Variants in PCDH11X observed in about 807,000 individuals in gnomAD.
The protein encoded by PCDH11X is protocadherin-11 X-linked.
Under a neutral mutation model 53.3 loss-of-function variants are expected in PCDH11X, and 18 were observed. The observed-to-expected ratio is 0.34, with a 90% CI of 0.23 to 0.50. The LOEUF is 0.50. Among genes scored for constraint, PCDH11X ranks in the 20% least tolerant of loss-of-function variants. The pLI is 0.98. For synonymous variants in PCDH11X, 279 were observed against 393.3 expected, an observed-to-expected ratio of 0.71 and a Z score of 3.44; for missense variants, 570 against 1,032.4, an observed-to-expected ratio of 0.55 and a Z score of 6.14.
chrX:92,428,842 G>A (rs922818726), intron 9 of PCDH11X, among the ~76,000 whole-genome samples: 36 of 110,670 alleles, frequency 3.3e-4, no homozygotes. Context: ...GACAAATATG[G>A]TAGGGTGAAT....
chrX:92,170,771 TTTC>T (rs1301804106), intron 6 of PCDH11X, among the ~76,000 whole-genome samples: 9 of 104,305 alleles, frequency 8.6e-5, no homozygotes, highest in African/African-American at 3.1e-4. Context: ...CTAATTTGCT[TTTC>T]TTGTTTTGTT....
At chrX:92,221,278 A>AAC (rs58264678) in intron 7 of PCDH11X, among the ~76,000 whole-genome samples, 1,123 of 87,937 alleles carry the variant, frequency 0.013, 30 homozygotes, top group African/African-American at 0.044. Context: ...CATTGTATAC[A>AAC]ACACACACAC....
At position 92,619,220 on chromosome X, in the gene PCDH11X, G is replaced by A. The variant is rs1402832454; in HGVS notation, c.*280G>A. 2.7e-6 allele frequency: 1 copy of A among 372,404 alleles called. No individual in the cohort carries two copies. The highest frequency in any genetic ancestry group is 4.7e-6 in the Non-Finnish European group (1 of 214,865). The allele number at this position is 372,404 out of a possible 1,213,427, so 30.7% of individuals were successfully genotyped here. ...CAGAGCGCACTATTTCTGATGTACA[G>A]TATTTTTTGTTGTTTTTATCATCAT... On this transcript the variant is annotated 3_prime_UTR_variant, in exon 11 of 11. Transcript: ENST00000682573.
intron 7 of PCDH11X, among the ~76,000 whole-genome samples, chrX:92,221,245 C>CT (rs2066867733): frequency 5.5e-5 from 2 of 36,472 alleles, no homozygotes; most frequent in African/African-American, 1.8e-4. Flanking sequence ...AAAAATTGCT[C>CT]ATTTTTTTTT....
intron 10 of PCDH11X, among the ~76,000 whole-genome samples, chrX:92,473,362 A>T (rs1227446995): frequency 9.0e-6 from 1 of 111,577 alleles, no homozygotes; most frequent in African/African-American, 3.3e-5. Flanking sequence ...TAGTCTGGCT[A>T]AAGGCTTGTC....
At chrX:92,507,686 G>T (rs1300145178) in intron 10 of PCDH11X, among the ~76,000 whole-genome samples, 1 of 111,849 alleles carries the variant, frequency 8.9e-6, no homozygotes, top group Non-Finnish European at 1.9e-5. Flanking sequence ...TTTGATGCTG[G>T]CCTTGAAATG....
intron 7 of PCDH11X, among the ~76,000 whole-genome samples, chrX:92,221,801 C>A (rs1345494217): frequency 9.1e-6 from 1 of 110,441 alleles, no homozygotes; most frequent in African/African-American, 3.3e-5. Flanking sequence ...TAATTGTTGA[C>A]TTCCAGCATA....
At chrX:92,275,732 A>T (rs1171142421) in intron 8 of PCDH11X, among the ~76,000 whole-genome samples, 1 of 111,574 alleles carries the variant, frequency 9.0e-6, no homozygotes, top group Non-Finnish European at 1.9e-5. Flanking sequence ...AGGAGAGTTT[A>T]TAGGTTTTAG....
intron 9 of PCDH11X, among the ~76,000 whole-genome samples, chrX:92,388,638 A>G (rs1037888243): frequency 4.5e-5 from 5 of 110,838 alleles, no homozygotes; most frequent in East Asian, 2.8e-4. Flanking sequence ...GATAAGATAT[A>G]TATTTCTCAG....
At chrX:91,894,993 G>T (rs1217644155) in intron 6 of PCDH11X, among the ~76,000 whole-genome samples, 8 of 110,729 alleles carry the variant, frequency 7.2e-5, no homozygotes, top group African/African-American at 2.6e-4. Flanking sequence ...TCACATAGGG[G>T]CATGCACCTT....
chrX:92,577,931 T>G (rs1196899553), intron 10 of PCDH11X, among the ~76,000 whole-genome samples: 1 of 108,082 alleles, frequency 9.3e-6, no homozygotes, highest in African/African-American at 3.4e-5. Flanking sequence ...TCCTTTGTAC[T>G]TGCTGAGGAG....
chrX:92,198,886 G>A (rs1264271420), intron 6 of PCDH11X, among the ~76,000 whole-genome samples: 1 of 111,158 alleles, frequency 9.0e-6, no homozygotes, highest in Non-Finnish European at 1.9e-5. Context: ...AGAATTTTGA[G>A]CATTTACTCT....
chrX:91,836,283 G>T (rs925848963), intron 5 of PCDH11X, among the ~76,000 whole-genome samples: 13 of 103,482 alleles, frequency 1.3e-4, no homozygotes, highest in Non-Finnish European at 2.3e-4. Flanking sequence ...AATCTATAAA[G>T]GGATCAGACA....
chrX:91,804,162 A>G (rs1438114630), intron 1 of PCDH11X, among the ~76,000 whole-genome samples: 2 of 112,213 alleles, frequency 1.8e-5, no homozygotes, highest in African/African-American at 6.4e-5. Flanking sequence ...TCAAACTCTT[A>G]GCAAAATTAA....
At chrX:92,077,201 A>G (rs922042637) in intron 6 of PCDH11X, among the ~76,000 whole-genome samples, 1 of 110,696 alleles carries the variant, frequency 9.0e-6, no homozygotes, top group African/African-American at 3.3e-5. Context: ...AGCCAGCCCC[A>G]CAATCACAGT....
chrX:91,950,559 T>A (rs1345555286), intron 6 of PCDH11X, among the ~76,000 whole-genome samples: 1 of 103,378 alleles, frequency 9.7e-6, no homozygotes, highest in Non-Finnish European at 2.0e-5. Context: ...TATATATATA[T>A]AAATGTGATT....
intron 7 of PCDH11X, among the ~76,000 whole-genome samples, chrX:92,226,193 A>G (rs182841881): frequency 8.9e-6 from 1 of 111,942 alleles, no homozygotes; most frequent in East Asian, 2.8e-4. Flanking sequence ...AGCATAACAG[A>G]TTTATTTGAT....
chrX:91,868,701 G>A (rs887886678), intron 5 of PCDH11X, among the ~76,000 whole-genome samples: 1 of 111,557 alleles, frequency 9.0e-6, no homozygotes, highest in Non-Finnish European at 1.9e-5. Flanking sequence ...ATATTAATAA[G>A]CAATCAGTTA....
chrX:91,967,595 G>T (rs2061886148), intron 6 of PCDH11X, among the ~76,000 whole-genome samples: 1 of 109,374 alleles, frequency 9.1e-6, no homozygotes, highest in Non-Finnish European at 1.9e-5. Flanking sequence ...TGCCAAAAAG[G>T]TTGGGGACCA....
Sources: gnomAD v4.1 joint callset for allele counts (sites outside exome capture counted in the v4.1 genomes callset) on GRCh38, gnomAD v4.1.1 for gene constraint, MANE v1.5 for transcripts, NCBI Gene and HGNC (gene_info 2026-07-23, HGNC 2026-07-21) for gene names.